Variants in FRMPD4 observed in about 807,000 individuals in gnomAD.
FRMPD4 encodes the protein FERM and PDZ domain containing 4.
FRMPD4 carries 22 observed loss-of-function variants against 94.1 expected under a neutral mutation model. That is an observed-to-expected ratio of 0.23 (90% CI 0.17 to 0.33). The LOEUF is 0.33. FRMPD4 is among the 10% of genes least tolerant of loss of function. The probability of loss-of-function intolerance (pLI) is 1.00; values close to 1 mark genes in which losing one functional copy is unlikely to be tolerated. For synonymous variants in FRMPD4, 631 were observed against 548.6 expected, an observed-to-expected ratio of 1.15 and a Z score of -2.10; for missense variants, 1,111 against 1,339.9, an observed-to-expected ratio of 0.83 and a Z score of 2.67.
intron 1 of FRMPD4, among the ~76,000 whole-genome samples, chrX:11,843,972 T>C (rs2053557363): frequency 9.7e-6 from 1 of 102,931 alleles, no homozygotes; most frequent in South Asian, 4.2e-4. Flanking sequence ...CTGATAGTTA[T>C]GAATTCTTTT....
rs1238056021 is a variant in FRMPD4, at chrX:11,891,489, T to A, written c.95+13471T>A. On this transcript the variant is annotated intron_variant, in intron 3 of 18. Transcript: ENST00000640291. ...GGGGCCAAGAAAGCAAGCTGGAGAA[T>A]CATTCCACATTGGAGTAAAGAGAGC... is the stretch of plus-strand genomic sequence containing the variant. Among the ~76,000 whole-genome samples the A allele has an allele frequency of 2.7e-5, 3 of 112,596 alleles. No individual in the cohort carries two copies. The Admixed American group carries it at 2.8e-4, about 11-fold the overall frequency.
At position 12,080,157 on chromosome X, in the gene FRMPD4, A is replaced by C. The variant is rs151111621; in HGVS notation, c.95+202139A>C. 8.6e-3 allele frequency among the ~76,000 whole-genome samples: 965 copies of C among 112,166 alleles called. 4 individuals carry two copies. The highest frequency in any genetic ancestry group is 0.03 in the African/African-American group (917 of 30,928). ...TCTGTGGCTCTCCACTTTTCCCTCC[A>C]TAATAAGTTAGCAAATTCTTTTTCT... On this transcript the variant is annotated intron_variant, in intron 3 of 18. Transcript: ENST00000640291.
At chrX:11,834,442 T>A (rs991909690) in intron 1 of FRMPD4, among the ~76,000 whole-genome samples, 1 of 112,113 alleles carries the variant, frequency 8.9e-6, no homozygotes, top group Non-Finnish European at 1.9e-5. Context: ...AATTACCACA[T>A]AATACCACAC....
At chrX:12,029,998 A>G (rs1301847058) in intron 3 of FRMPD4, among the ~76,000 whole-genome samples, 1 of 111,815 alleles carries the variant, frequency 8.9e-6, no homozygotes, top group Non-Finnish European at 1.9e-5. Context: ...CCTCACATTT[A>G]TCATCTGTCA....
At chrX:11,857,501 G>A (rs1404329668) in intron 1 of FRMPD4, among the ~76,000 whole-genome samples, 20 of 112,508 alleles carry the variant, frequency 1.8e-4, no homozygotes, top group African/African-American at 6.1e-4. Flanking sequence ...CTACCTAGCC[G>A]CGTGCAGAAG....
chrX:12,240,758 A>G (rs2057120474), intron 1 of FRMPD4, among the ~76,000 whole-genome samples: 1 of 112,281 alleles, frequency 8.9e-6, no homozygotes, highest in Admixed American at 9.4e-5. Flanking sequence ...TTGTGTATTT[A>G]CTGAACTAGT....
intron 3 of FRMPD4, among the ~76,000 whole-genome samples, chrX:12,117,650 G>A (rs1219423336): frequency 9.0e-6 from 1 of 111,723 alleles, no homozygotes; most frequent in Admixed American, 9.5e-5. Flanking sequence ...AGACTGGCAC[G>A]CAAGGCTCCC....
At chrX:12,326,084 T>C (rs1382020456) in intron 1 of FRMPD4, among the ~76,000 whole-genome samples, 1 of 112,460 alleles carries the variant, frequency 8.9e-6, no homozygotes, top group Non-Finnish European at 1.9e-5. Context: ...CCCTGGAAAT[T>C]ACTGGCTATG....
At chrX:11,844,392 A>G (rs1160262000) in intron 1 of FRMPD4, among the ~76,000 whole-genome samples, 1 of 110,062 alleles carries the variant, frequency 9.1e-6, no homozygotes, top group Admixed American at 9.8e-5. Flanking sequence ...TGTGGTTGAC[A>G]TTTTATTTTA....
At chrX:12,289,961 T>C (rs1402074171) in intron 1 of FRMPD4, among the ~76,000 whole-genome samples, 1 of 111,819 alleles carries the variant, frequency 8.9e-6, no homozygotes, top group Non-Finnish European at 1.9e-5. Context: ...GCAGAGTAAA[T>C]GCTAGGACAC....
chrX:11,926,296 T>G (rs1254448790), intron 3 of FRMPD4, among the ~76,000 whole-genome samples: 1 of 94,735 alleles, frequency 1.1e-5, no homozygotes, highest in African/African-American at 4.2e-5. Flanking sequence ...CAGGACCAGA[T>G]GGATTCACAG....
At chrX:11,993,260 A>G (rs928785619) in intron 3 of FRMPD4, among the ~76,000 whole-genome samples, 1 of 110,710 alleles carries the variant, frequency 9.0e-6, no homozygotes, top group Non-Finnish European at 1.9e-5. Context: ...TCCCTCCCCC[A>G]CAGGTTGTAA....
chrX:12,525,501 G>A (rs2058213400), intron 2 of FRMPD4, among the ~76,000 whole-genome samples: 1 of 111,750 alleles, frequency 8.9e-6, no homozygotes, highest in Non-Finnish European at 1.9e-5. Context: ...AGCATCTCAT[G>A]ACAGAGCAGA....
At chrX:12,128,681 T>G (rs1044136350) in intron 3 of FRMPD4, among the ~76,000 whole-genome samples, 3 of 112,270 alleles carry the variant, frequency 2.7e-5, no homozygotes, top group South Asian at 3.7e-4. Context: ...GCAAATGCTC[T>G]GCTTCCCTTT....
At chrX:12,329,831 G>A (rs2055342866) in intron 1 of FRMPD4, among the ~76,000 whole-genome samples, 1 of 100,420 alleles carries the variant, frequency 1.0e-5, no homozygotes, top group Non-Finnish European at 2.0e-5. Context: ...TAACTTATTA[G>A]GTGGGTTGCC....
chrX:12,689,430 C>G (rs776114555), intron 7 of FRMPD4, among the ~76,000 whole-genome samples: 11 of 112,156 alleles, frequency 9.8e-5, no homozygotes, highest in Non-Finnish European at 2.1e-4. Flanking sequence ...ATCTTTATAT[C>G]CGTTCTGAGA....
At chrX:11,884,962 C>T (rs1209697291) in intron 3 of FRMPD4, among the ~76,000 whole-genome samples, 1 of 111,484 alleles carries the variant, frequency 9.0e-6, no homozygotes, top group East Asian at 2.8e-4. Flanking sequence ...TCATAATGTT[C>T]CTTGGCATGT....
intron 3 of FRMPD4, among the ~76,000 whole-genome samples, chrX:12,088,873 A>G (rs1414323631): frequency 8.9e-6 from 1 of 112,297 alleles, no homozygotes; most frequent in Non-Finnish European, 1.9e-5. Context: ...GCACAACTCA[A>G]TGAATTTTCA....
intron 3 of FRMPD4, among the ~76,000 whole-genome samples, chrX:12,069,448 G>A (rs1017956567): frequency 8.9e-6 from 1 of 111,800 alleles, no homozygotes; most frequent in Admixed American, 9.5e-5. Context: ...AACTTGTGAT[G>A]GCATCTTAAA....
Sources: gnomAD v4.1 joint callset for allele counts (sites outside exome capture counted in the v4.1 genomes callset) on GRCh38, gnomAD v4.1.1 for gene constraint, MANE v1.5 for transcripts, NCBI Gene and HGNC (gene_info 2026-07-23, HGNC 2026-07-21) for gene names.